The following ATM variants were observed in gnomAD, a reference collection of about 807,000 sequenced individuals.
ATM encodes ATM serine/threonine kinase.
Under a neutral mutation model 387.0 loss-of-function variants are expected in ATM, and 308 were observed. The ratio of observed to expected loss-of-function variants is 0.80; its 90% CI spans 0.73 to 0.87. The LOEUF (loss-of-function observed/expected upper bound fraction) is 0.87, where lower values mean the gene tolerates loss of function less well. Ranked by LOEUF, ATM falls within the 40% of genes least tolerant of loss-of-function variation. The pLI, the probability that ATM is intolerant of heterozygous loss-of-function variation, is 0.00. For missense variants in ATM, 3,312 were observed against 3,560.9 expected, an observed-to-expected ratio of 0.93 and a Z score of 1.78; for synonymous variants, 1,156 against 1,187.3, an observed-to-expected ratio of 0.97 and a Z score of 0.54.
At position 108,310,225 on chromosome 11, in the gene ATM, A is replaced by G. The variant is rs746676271; in HGVS notation, c.5828A>G (p.Lys1943Arg). The change falls in exon 39 of 63, where the codon AAG becomes AGG. Residue 1943 changes from lysine to arginine, a missense_variant. By Grantham distance (26) the Lys-to-Arg change is conservative. Transcript: ENST00000675843. ...GATTTAAATTATCTAGAAGTTGCCAAGGTAGCTCAGTCTTGTGCTGCTCAC... is the reference window on the plus strand; with the variant it reads ...GATTTAAATTATCTAGAAGTTGCCAGGGTAGCTCAGTCTTGTGCTGCTCAC... The part of the protein sequence containing the change: ...WLDLNYLEVA[K>R]VAQSCAAHFT... The G allele has an allele frequency of 3.7e-6, 6 of 1,613,700 alleles. No individual in the cohort carries two copies. The South Asian group carries it at 4.4e-5, about 12-fold the overall frequency.
At chr11:108,284,164 T>C in intron 25 of ATM, 63 bp from the exon 26 acceptor site, 1 of 1,321,540 alleles carries the variant, frequency 7.6e-7, no homozygotes, top group Non-Finnish European at 1.0e-6. Flanking sequence ...TTAAGAACTA[T>C]TTTATAAAAT....
chr11:108,268,026 A>G lies in ATM; in HGVS notation c.2639-384A>G, dbSNP rs1131691154. Among the ~76,000 whole-genome samples the G allele has an allele frequency of 3.9e-5, 6 of 152,234 alleles. No homozygotes were observed. The highest frequency in any genetic ancestry group is 1.2e-4 in the African/African-American group (5 of 41,468). ...ACATGTTATGAATGCCTGTTTAATT[A>G]TAAGTATTTTTCCAGGTAGTTGCTT... is the stretch of plus-strand genomic sequence containing the variant. On this transcript the variant is annotated intron_variant, in intron 17 of 62. Transcript: ENST00000675843.
chr11:108,250,228 C>G (rs943788579), intron 9 of ATM, among the ~76,000 whole-genome samples: 2 of 151,870 alleles, frequency 1.3e-5, no homozygotes, highest in Non-Finnish European at 2.9e-5. Context: ...TCTTGGCTCA[C>G]TACAACCTCC....
intron 34 of ATM, 47 bp from the exon 35 acceptor site, chr11:108,301,601 G>A (rs2135910483): frequency 6.2e-7 from 1 of 1,611,454 alleles, no homozygotes; most frequent in Non-Finnish European, 8.5e-7. Context: ...CATTCATCAA[G>A]ATTAATAACT....
intron 45 of ATM, among the ~76,000 whole-genome samples, chr11:108,323,982 G>A (rs2085419187): frequency 6.6e-6 from 1 of 152,050 alleles, no homozygotes; most frequent in African/African-American, 2.4e-5. Context: ...TTTGTTTTGG[G>A]AAGTATACAG....
At chr11:108,313,290 C>T (rs183920006) in intron 40 of ATM, among the ~76,000 whole-genome samples, 1 of 152,172 alleles carries the variant, frequency 6.6e-6, no homozygotes, top group Non-Finnish European at 1.5e-5. Context: ...TAAAAATTCC[C>T]TTTCTCACAA....
Position 108,283,467 on chromosome 11 carries a change from CTG to C in ATM, c.3746+592_3746+593del, listed in dbSNP as rs572581470. 7.7e-4 allele frequency among the ~76,000 whole-genome samples: 118 copies of C among 152,284 alleles called. 1 individual carries two copies. Among genetic ancestry groups the C allele is most frequent in the African/African-American group, 2.6e-3 (106 of 41,564 alleles). On this transcript the variant is annotated intron_variant, in intron 25 of 62. Transcript: ENST00000675843. ...GCATCTCATATTTGTTGAACATGCTCTGTGTTATGGACTTTGCTATGCATTTT... is the reference window on the plus strand; with the variant it reads ...GCATCTCATATTTGTTGAACATGCTCTGTTATGGACTTTGCTATGCATTTT...
At chr11:108,332,140 G>A (rs1000471311) in intron 52 of ATM, 103 bp downstream of exon 52, 53 of 1,462,334 alleles carry the variant, frequency 3.6e-5, no homozygotes, top group Admixed American at 5.8e-5. Context: ...ATCTAAAATC[G>A]GTTCAAGGCT....
intron 50 of ATM, 96 bp downstream of exon 50, chr11:108,330,517 T>C: frequency 1.6e-6 from 2 of 1,255,114 alleles, no homozygotes; most frequent in South Asian, 1.2e-5. Context: ...TTTGTATTCC[T>C]AGCACTTGGT....
At chr11:108,274,077 G>A (rs368689914) in intron 22 of ATM, among the ~76,000 whole-genome samples, 26 of 152,170 alleles carry the variant, frequency 1.7e-4, no homozygotes, top group African/African-American at 2.4e-4. Flanking sequence ...TCAGGGATTC[G>A]ACTTCTTCCT....
intron 3 of ATM, 28 bp downstream of exon 3, chr11:108,227,916 C>G (rs934062408): frequency 6.5e-7 from 1 of 1,533,200 alleles, no homozygotes; most frequent in South Asian, 1.1e-5. Flanking sequence ...ATTTTACTGT[C>G]TTTATTTTTC....
rs1555091084 is a variant in ATM at position 108,280,980 on chromosome 11, T to TTA, written c.3403-15_3403-14insTA. On this transcript the variant is annotated splice_polypyrimidine_tract_variant and intron_variant, in intron 23 of 62. Transcript: ENST00000675843. The stretch of plus-strand genomic sequence containing the variant: ...TACATTTTACATTACATTTTTTTTT[T>TTA]AATTTCTTTTTAAGTCCCATAGTGC... 5.4e-4 allele frequency: 833 copies of TTA among 1,556,992 alleles called. 1 individual carries two copies. The highest frequency in any genetic ancestry group is 1.0e-3 in the Middle Eastern group (6 of 5,818).
At chr11:108,256,507 T>C (rs1199207215) in intron 14 of ATM, among the ~76,000 whole-genome samples, 167 bp downstream of exon 14, 2 of 152,220 alleles carry the variant, frequency 1.3e-5, no homozygotes, top group Non-Finnish European at 2.9e-5. Flanking sequence ...TTAAATTGTT[T>C]TAATTGTTTA....
Position 108,247,005 on chromosome 11 carries a change from TTA to T in ATM, c.947_948del (p.Tyr316Ter), listed in dbSNP as rs2135265742. On this transcript the variant is annotated frameshift_variant, in exon 8 of 63. Transcript: ENST00000675843. LOFTEE classifies it high-confidence loss of function. Reference sequence around the variant, plus strand: ...AAAATGGAGAAGTATTTTATACAACTTATATGATCTGCTAGTGAATGAGATAA... The same window carrying T: ...AAAATGGAGAAGTATTTTATACAACTTATGATCTGCTAGTGAATGAGATAA... ...STKWRSILYNLYDLLVNEISH... is the reference protein window; with the variant it reads ...STKWRSILYNXYDLLVNEISH... 1 of 1,613,078 alleles carries T rather than the reference TTA, an allele frequency of 6.2e-7. No homozygotes were observed. The highest frequency in any genetic ancestry group is 8.5e-7 in the Non-Finnish European group (1 of 1,179,270).
intron 61 of ATM, among the ~76,000 whole-genome samples, chr11:108,358,642 A>C (rs1565592550): frequency 6.9e-6 from 1 of 144,544 alleles, no homozygotes; most frequent in Non-Finnish European, 1.5e-5. Flanking sequence ...GCCAATATTC[A>C]ACATTCTTAA....
rs760602228 is a variant in ATM at position 108,325,437 on chromosome 11, C to T, written c.6700C>T (p.Leu2234=). 5.1e-5 allele frequency: 83 copies of T among 1,613,458 alleles called. No homozygotes were observed. Among genetic ancestry groups the T allele is most frequent in the Non-Finnish European group, 6.5e-5 (77 of 1,179,810 alleles). The change falls in exon 46 of 63, where the codon CTG becomes TTG. Residue 2234 remains leucine (L), a synonymous_variant. Coordinates refer to ENST00000675843, the MANE Select transcript of ATM (RefSeq NM_000051.4). ...MALRTVILEI[L]MEKEMDNSQR... ...TCTACGCACAGTCATTTTGGAGATC[C>T]TGATGGAAAAGGAAATGGACAACTC...
chr11:108,368,462 T>C lies in ATM; in HGVS notation c.*2954T>C. On this transcript the variant is annotated 3_prime_UTR_variant, in exon 63 of 63. Coordinates refer to ENST00000675843, the MANE Select transcript of ATM (RefSeq NM_000051.4). The stretch of plus-strand genomic sequence containing the variant: ...TATGTACAGCATTTCTGATCTTTAC[T>C]TTGCAAGATTAGTGATACTATCCCA... The C allele has an allele frequency of 4.7e-6, 1 of 213,228 alleles. No individual in the cohort carries two copies. Among genetic ancestry groups the C allele is most frequent in the East Asian group, 7.0e-5 (1 of 14,222 alleles). The allele number at this position is 213,228 out of a possible 1,614,324, so 13.2% of individuals were successfully genotyped here.
intron 22 of ATM, among the ~76,000 whole-genome samples, chr11:108,276,209 C>T (rs2081940948): frequency 6.6e-6 from 1 of 152,176 alleles, no homozygotes. Flanking sequence ...TCAGCTCCAT[C>T]AGGTCATTTA....
chr11:108,314,119 TTTTG>T (rs2084402605), intron 40 of ATM, among the ~76,000 whole-genome samples: 1 of 152,060 alleles, frequency 6.6e-6, no homozygotes, highest in Admixed American at 6.6e-5. Flanking sequence ...TGTACAGTTT[TTTTG>T]TTTTTTTTTC....
Sources: gnomAD v4.1 joint callset for allele counts (sites outside exome capture counted in the v4.1 genomes callset) on GRCh38, gnomAD v4.1.1 for gene constraint, MANE v1.5 for transcripts, NCBI Gene and HGNC (gene_info 2026-07-23, HGNC 2026-07-21) for gene names.